Variants in ADAMTSL3 observed in about 807,000 individuals in gnomAD.
The protein encoded by ADAMTSL3 is ADAMTS like 3, also known as ADAMTS-like protein 3.
A neutral mutation model predicts 201.7 loss-of-function variants in ADAMTSL3; 128 were observed. The observed-to-expected ratio is 0.63, with a 90% confidence interval of 0.55 to 0.73. The LOEUF (loss-of-function observed/expected upper bound fraction) is 0.73, where lower values mean the gene tolerates loss of function less well. ADAMTSL3 is among the 30% of genes least tolerant of loss of function. The pLI, the probability that ADAMTSL3 is intolerant of heterozygous loss-of-function variation, is 0.00. For synonymous variants in ADAMTSL3, 738 were observed against 748.4 expected, an observed-to-expected ratio of 0.99 and a Z score of 0.23; for missense variants, 1,990 against 2,119.6, an observed-to-expected ratio of 0.94 and a Z score of 1.20.
intron 3 of ADAMTSL3, chr15:83,739,805 C>T (rs1007374218): frequency 2.0e-5 from 12 of 589,210 alleles, no homozygotes; most frequent in African/African-American, 1.7e-4. Flanking sequence ...CATCTCCATC[C>T]ACATTTGCTG....
intron 3 of ADAMTSL3, among the ~76,000 whole-genome samples, chr15:83,731,324 A>G (rs1171705094): frequency 6.6e-6 from 1 of 152,106 alleles, no homozygotes. Flanking sequence ...ATCACTAATC[A>G]TCAGGAAAAT....
intron 15 of ADAMTSL3, among the ~76,000 whole-genome samples, chr15:83,903,176 C>T (rs2065759579): frequency 6.6e-6 from 1 of 151,582 alleles, no homozygotes; most frequent in Admixed American, 6.6e-5. Flanking sequence ...CCAGGCCCCA[C>T]TGAGTCAGAT....
chr15:83,655,368 C>G (rs1395605995), intron 1 of ADAMTSL3, among the ~76,000 whole-genome samples: 2 of 152,198 alleles, frequency 1.3e-5, no homozygotes, highest in Admixed American at 6.5e-5. Context: ...ATTTTTGCCG[C>G]GAGCAGCAGA....
intron 3 of ADAMTSL3, among the ~76,000 whole-genome samples, chr15:83,767,499 A>G (rs1312758520): frequency 1.3e-5 from 2 of 152,352 alleles, no homozygotes; most frequent in East Asian, 1.9e-4. Context: ...GGGAGCAGCT[A>G]TACTCAACTG....
chr15:83,808,207 A>G (rs1344378445), intron 5 of ADAMTSL3, among the ~76,000 whole-genome samples: 1 of 152,256 alleles, frequency 6.6e-6, no homozygotes, highest in African/African-American at 2.4e-5. Context: ...GAAGAATGGG[A>G]GAAAATATTT....
At position 83,943,095 on chromosome 15, in the gene ADAMTSL3, C is replaced by G. The variant is rs1490545225; in HGVS notation, c.2490+13C>G. ...AGACTGGTCGAAGGTAAGGGCCAGG[C>G]TCAACTTTATAGTCCCTTCTTTTCT... On this transcript the variant is annotated intron_variant, in intron 19 of 29. Transcript: ENST00000286744. The G allele has an allele frequency of 6.3e-7, 1 of 1,594,272 alleles. No homozygotes were observed. The highest frequency in any genetic ancestry group is 8.5e-7 in the Non-Finnish European group (1 of 1,172,628).
chr15:83,936,402 A>G (rs1274696964), intron 17 of ADAMTSL3, among the ~76,000 whole-genome samples: 1 of 151,030 alleles, frequency 6.6e-6, no homozygotes, highest in Non-Finnish European at 1.5e-5. Flanking sequence ...GAATGAGAAG[A>G]ATGGAAAAGT....
chr15:83,866,287 C>T (rs1455814810), intron 8 of ADAMTSL3, among the ~76,000 whole-genome samples: 2 of 152,198 alleles, frequency 1.3e-5, no homozygotes, highest in Admixed American at 6.5e-5. Flanking sequence ...ATAAATCATG[C>T]TGCTATAAAG....
At chr15:83,876,289 C>T (rs2065176115) in intron 9 of ADAMTSL3, among the ~76,000 whole-genome samples, 1 of 152,070 alleles carries the variant, frequency 6.6e-6, no homozygotes, top group Non-Finnish European at 1.5e-5. Flanking sequence ...AGACATCTAA[C>T]AACTACATTT....
intron 16 of ADAMTSL3, 60 bp from the exon 17 acceptor site, chr15:83,923,844 C>A (rs944345984): frequency 2.3e-5 from 37 of 1,592,770 alleles, no homozygotes; most frequent in African/African-American, 4.0e-5. Context: ...ACTCTATTTT[C>A]TTTTTTCCAC....
chr15:83,763,268 C>G (rs950288640), intron 3 of ADAMTSL3, among the ~76,000 whole-genome samples: 1 of 152,188 alleles, frequency 6.6e-6, no homozygotes, highest in Non-Finnish European at 1.5e-5. Flanking sequence ...GAAAATAATA[C>G]GAATCCTCAC....
chr15:83,896,222 T>C (rs1455369700), intron 13 of ADAMTSL3, among the ~76,000 whole-genome samples: 1 of 152,096 alleles, frequency 6.6e-6, no homozygotes, highest in African/African-American at 2.4e-5. Flanking sequence ...ATTCATGAGA[T>C]AACAAATGAA....
chr15:83,986,359 A>G (rs1354876163), intron 21 of ADAMTSL3, among the ~76,000 whole-genome samples: 13 of 152,164 alleles, frequency 8.5e-5, no homozygotes, highest in Admixed American at 8.5e-4. Context: ...AAATAGATTG[A>G]CTTGATGGAA....
intron 26 of ADAMTSL3, among the ~76,000 whole-genome samples, chr15:84,022,676 A>G (rs1044429405): frequency 6.6e-6 from 1 of 152,234 alleles, no homozygotes; most frequent in African/African-American, 2.4e-5. Context: ...AGTGCCTAGC[A>G]ATAGTAGGTG....
intron 3 of ADAMTSL3, among the ~76,000 whole-genome samples, chr15:83,732,536 G>C (rs567033864): frequency 2.0e-4 from 30 of 152,172 alleles, no homozygotes; most frequent in Non-Finnish European, 3.8e-4. Context: ...GTCAAATAAT[G>C]ATGGGCAATA....
At chr15:84,009,031 G>A (rs1318720264) in intron 23 of ADAMTSL3, among the ~76,000 whole-genome samples, 1 of 152,174 alleles carries the variant, frequency 6.6e-6, no homozygotes, top group African/African-American at 2.4e-5. Flanking sequence ...ACTGGTCCAA[G>A]TCACCGTCAT....
rs2061951017 is a variant in ADAMTSL3, at chr15:83,712,866, T to A, written c.189+8358T>A. On this transcript the variant is annotated intron_variant, in intron 3 of 29. Coordinates refer to ENST00000286744, the MANE Select transcript of ADAMTSL3 (RefSeq NM_207517.3). Reference sequence around the variant, plus strand: ...TTCCAAGTGTCCAAACTGGACCATATCATTCTTCAAACTACTCTGCCTTAG... The same window carrying A: ...TTCCAAGTGTCCAAACTGGACCATAACATTCTTCAAACTACTCTGCCTTAG... 2.6e-5 allele frequency among the ~76,000 whole-genome samples: 4 copies of A among 152,200 alleles called. No homozygotes were observed. The South Asian group carries it at 8.3e-4, about 32-fold the overall frequency.
chr15:84,020,801 C>T lies in ADAMTSL3; in HGVS notation c.4274-609C>T, dbSNP rs138779416. ...AAAAGCTGGGATTACTGGAGGTGGTCGGCTTCTACTCTTGTAAAGGAAACT... is the reference window on the plus strand; with the variant it reads ...AAAAGCTGGGATTACTGGAGGTGGTTGGCTTCTACTCTTGTAAAGGAAACT... On this transcript the variant is annotated intron_variant, in intron 25 of 29. Coordinates refer to ENST00000286744, the MANE Select transcript of ADAMTSL3 (RefSeq NM_207517.3). Among the ~76,000 whole-genome samples the T allele has an allele frequency of 5.7e-3, 863 of 152,244 alleles. 6 individuals are homozygous for T. The highest frequency in any genetic ancestry group is 0.019 in the African/African-American group (794 of 41,526).
chr15:83,671,503 A>G (rs1021344507), intron 2 of ADAMTSL3, among the ~76,000 whole-genome samples: 1 of 152,178 alleles, frequency 6.6e-6, no homozygotes, highest in African/African-American at 2.4e-5. Flanking sequence ...TGATATTTTG[A>G]TTTATTCTCT....
Sources: allele counts gnomAD v4.1 joint callset (sites outside exome capture counted in the v4.1 genomes callset), GRCh38; gene constraint gnomAD v4.1.1; transcripts MANE v1.5; gene names NCBI Gene and HGNC (gene_info 2026-07-23, HGNC 2026-07-21).